Variants in ARHGAP21 observed in about 807,000 individuals in gnomAD.
ARHGAP21 encodes the protein rho GTPase-activating protein 21.
ARHGAP21 carries 38 observed loss-of-function variants against 164.6 expected under a neutral mutation model. That is an observed-to-expected ratio of 0.23 (90% CI 0.18 to 0.30). The LOEUF (loss-of-function observed/expected upper bound fraction) is 0.30, where lower values mean the gene tolerates loss of function less well. Among genes scored for constraint, ARHGAP21 ranks in the 10% least tolerant of loss-of-function variants. ARHGAP21 has a pLI of 1.00. For missense variants in ARHGAP21, 1,822 were observed against 2,370.7 expected, an observed-to-expected ratio of 0.77 and a Z score of 4.81; for synonymous variants, 766 against 857.9, an observed-to-expected ratio of 0.89 and a Z score of 1.87.
chr10:24,622,433 C>CATATATATATATATAT (rs10530408), intron 8 of ARHGAP21, among the ~76,000 whole-genome samples: 6 of 89,768 alleles, frequency 6.7e-5, no homozygotes, highest in Admixed American at 1.3e-4. Flanking sequence ...ACTTAAAAAA[C>CATATATATATATATAT]ATATATATAT....
intron 4 of ARHGAP21, among the ~76,000 whole-genome samples, chr10:24,639,291 A>C (rs1836733544): frequency 6.6e-6 from 1 of 152,152 alleles, no homozygotes; most frequent in Admixed American, 6.5e-5. Flanking sequence ...TGACAACCCT[A>C]TATCCAAGTG....
Position 24,670,410 on chromosome 10 carries a change from G to C in ARHGAP21, c.64-13C>G. 1.9e-6 allele frequency: 3 copies of C among 1,563,608 alleles called. No individual in the cohort carries two copies. The highest frequency in any genetic ancestry group is 2.6e-6 in the Non-Finnish European group (3 of 1,152,062). ...TATTTTTTGAGACCTAAAGTGAAAA[G>C]ATATTTAAAAGTTAACTACATAACA... On this transcript the variant is annotated splice_polypyrimidine_tract_variant and intron_variant, in intron 2 of 25. Coordinates refer to ENST00000396432, the MANE Select transcript of ARHGAP21 (RefSeq NM_020824.4).
intron 4 of ARHGAP21, among the ~76,000 whole-genome samples, chr10:24,653,996 C>T (rs61855015): frequency 0.011 from 1,635 of 152,046 alleles, 15 homozygotes; most frequent in Non-Finnish European, 0.018. Flanking sequence ...ACTTGGTAAC[C>T]AGAATATATA....
intron 14 of ARHGAP21, among the ~76,000 whole-genome samples, chr10:24,599,185 A>G (rs1283929667): frequency 6.6e-6 from 1 of 152,224 alleles, no homozygotes; most frequent in Non-Finnish European, 1.5e-5. Context: ...AACAGCCACT[A>G]TGTGTCACAG....
chr10:24,672,366 C>T (rs919150328), intron 2 of ARHGAP21, among the ~76,000 whole-genome samples: 3 of 152,308 alleles, frequency 2.0e-5, no homozygotes, highest in Non-Finnish European at 1.5e-5. Flanking sequence ...TCACAGGCGA[C>T]TTTGTCTCAG....
At chr10:24,630,220 T>C (rs1238316434) in intron 6 of ARHGAP21, among the ~76,000 whole-genome samples, 170 bp from the exon 7 acceptor site, 1 of 152,224 alleles carries the variant, frequency 6.6e-6, no homozygotes, top group African/African-American at 2.4e-5. Context: ...AAGTCACCTT[T>C]GTATACGTAA....
At chr10:24,627,607 C>G (rs561502292) in intron 7 of ARHGAP21, among the ~76,000 whole-genome samples, 52 of 152,290 alleles carry the variant, frequency 3.4e-4, no homozygotes, top group African/African-American at 1.2e-3. Flanking sequence ...CCTTGAAGAT[C>G]TGCATGCTCA....
At chr10:24,711,839 C>A (rs1191382788) in intron 2 of ARHGAP21, among the ~76,000 whole-genome samples, 1 of 152,092 alleles carries the variant, frequency 6.6e-6, no homozygotes, top group Admixed American at 6.5e-5. Flanking sequence ...TGAACAGTAA[C>A]CCCCCTGAAA....
At chr10:24,682,223 G>T (rs980175382) in intron 2 of ARHGAP21, among the ~76,000 whole-genome samples, 2 of 151,604 alleles carry the variant, frequency 1.3e-5, no homozygotes, top group Non-Finnish European at 2.9e-5. Context: ...ATATTGTTTT[G>T]TCTGAAAGGA....
chr10:24,689,873 TAC>T (rs375458466), intron 2 of ARHGAP21, among the ~76,000 whole-genome samples: 50 of 137,322 alleles, frequency 3.6e-4, no homozygotes, highest in African/African-American at 1.1e-3. Context: ...TGTGTATATA[TAC>T]ATGTATATAT....
chr10:24,648,854 G>A (rs1212927903), intron 4 of ARHGAP21: 9 of 984,674 alleles, frequency 9.1e-6, no homozygotes, highest in Non-Finnish European at 1.1e-5. Flanking sequence ...TTATATCTGA[G>A]GCTCCCAAGT....
chr10:24,628,306 C>A (rs1232157889), intron 7 of ARHGAP21, among the ~76,000 whole-genome samples: 1 of 152,202 alleles, frequency 6.6e-6, no homozygotes, highest in Non-Finnish European at 1.5e-5. Flanking sequence ...GTTATCGGTA[C>A]TAAGCCATTC....
intron 7 of ARHGAP21, among the ~76,000 whole-genome samples, chr10:24,628,836 CATATATACACATACAT>C (rs1200480541): frequency 3.6e-5 from 5 of 140,478 alleles, no homozygotes; most frequent in East Asian, 4.1e-4. Context: ...CATATATGTA[CATATATACACATACAT>C]ATATATACAC....
At chr10:24,634,569 T>C (rs1055758592) in intron 5 of ARHGAP21, among the ~76,000 whole-genome samples, 3 of 152,240 alleles carry the variant, frequency 2.0e-5, no homozygotes, top group Non-Finnish European at 2.9e-5. Flanking sequence ...CAGGCTTATG[T>C]TCCGCATTGG....
chr10:24,709,563 C>A (rs1332221714), intron 2 of ARHGAP21, among the ~76,000 whole-genome samples: 1 of 151,810 alleles, frequency 6.6e-6, no homozygotes, highest in East Asian at 1.9e-4. Context: ...AACAGTGAGA[C>A]CTCATCTCTA....
rs1834380867 is a variant in ARHGAP21 at position 24,619,991 on chromosome 10, T to C, written c.1904A>G (p.Lys635Arg). Residue 635 changes from lysine (K) to arginine (R), a missense_variant, in exon 9 of 26, where the codon AAA (lysine) becomes AGA (arginine). Physicochemically the swap from Lys to Arg is conservative, Grantham distance 26 (BLOSUM62 2). Around this residue, in one of 5 missense-constraint regions of ARHGAP21, gnomAD observed 1,090 missense variants for 1,378.9 expected, o/e 0.79. Coordinates refer to ENST00000396432, the MANE Select transcript of ARHGAP21 (RefSeq NM_020824.4). ...SLKAPSTHVT[K>R]PSFSQKSFVS... ...AAATGATTTCTGGCTAAATGATGGT[T>C]TTGTGACATGCGTGGAAGGAGCTTT... is the stretch of plus-strand genomic sequence containing the variant. 1 of 1,613,874 alleles carries C rather than the reference T, an allele frequency of 6.2e-7. No individual in the cohort carries two copies. The highest frequency in any genetic ancestry group is 1.3e-5 in the African/African-American group (1 of 74,920).
At chr10:24,723,116 G>A (rs1192119647) in intron 1 of ARHGAP21, 1 of 151,638 alleles carries the variant, frequency 6.6e-6, no homozygotes, top group African/African-American at 2.4e-5. Flanking sequence ...TTTCTCAAAG[G>A]TGCTAGGAGC....
chr10:24,619,942 T>C lies in ARHGAP21; in HGVS notation c.1953A>G (p.Pro651=). The C allele has an allele frequency of 1.2e-6, 2 of 1,614,110 alleles. No individual in the cohort carries two copies. The highest frequency in any genetic ancestry group is 1.7e-6 in the Non-Finnish European group (2 of 1,179,980). Residue 651 remains proline, a synonymous_variant, in exon 9 of 26, where the codon CCA becomes CCG. Coordinates refer to ENST00000396432, the MANE Select transcript of ARHGAP21 (RefSeq NM_020824.4). ...KSFVSIKDQR[P]VNHLHQNSLL... ...GACTGTTCTGATGCAAGTGATTTAC[T>C]GGTCTTTGGTCTTTGATAGAAACAA...
chr10:24,682,762 T>C (rs190407697), intron 2 of ARHGAP21, among the ~76,000 whole-genome samples: 28 of 152,194 alleles, frequency 1.8e-4, no homozygotes, highest in Admixed American at 1.8e-3. Context: ...TAGACGTATC[T>C]AGATGTTTTT....
Sources: allele counts gnomAD v4.1 joint callset (sites outside exome capture counted in the v4.1 genomes callset), GRCh38; gene constraint gnomAD v4.1.1; regional missense constraint gnomAD v4.1.1; transcripts MANE v1.5; gene names NCBI Gene and HGNC (gene_info 2026-07-23, HGNC 2026-07-21).